Variants in CTNNA2 observed in about 807,000 individuals in gnomAD.
CTNNA2 encodes catenin alpha 2.
In CTNNA2, 42 loss-of-function variants were observed where a neutral mutation model predicts 101.0. The ratio of observed to expected loss-of-function variants is 0.42; its 90% confidence interval spans 0.32 to 0.54. The LOEUF (loss-of-function observed/expected upper bound fraction) is 0.54. CTNNA2 is among the 20% of genes least tolerant of loss of function. The pLI, the probability that CTNNA2 is intolerant of heterozygous loss-of-function variation, is 0.14. For missense variants in CTNNA2, 871 were observed against 1,223.1 expected, an observed-to-expected ratio of 0.71 and a Z score of 4.29; for synonymous variants, 450 against 456.4, an observed-to-expected ratio of 0.99 and a Z score of 0.18.
intron 4 of CTNNA2, among the ~76,000 whole-genome samples, chr2:79,487,117 T>C (rs1671165791): frequency 6.6e-6 from 1 of 152,236 alleles, no homozygotes. Flanking sequence ...AAAGATGCAT[T>C]AACATGTAAC....
At chr2:80,263,891 T>C (rs978216957) in intron 7 of CTNNA2, among the ~76,000 whole-genome samples, 2 of 152,244 alleles carry the variant, frequency 1.3e-5, no homozygotes, top group Non-Finnish European at 2.9e-5. Context: ...ATTGTAACTT[T>C]ATGTGGAGAC....
chr2:80,436,139 G>A (rs1186722129), intron 9 of CTNNA2, among the ~76,000 whole-genome samples: 5 of 152,258 alleles, frequency 3.3e-5, no homozygotes, highest in South Asian at 2.1e-4. Flanking sequence ...CACGGTCATC[G>A]ACATTAGTGG....
chr2:80,322,635 C>G (rs1308757075), intron 7 of CTNNA2, among the ~76,000 whole-genome samples: 1 of 151,870 alleles, frequency 6.6e-6, no homozygotes, highest in Non-Finnish European at 1.5e-5. Flanking sequence ...CGGCCGCAGC[C>G]CAGCCGCCGC....
In CTNNA2 at chr2:80,083,048, A is replaced by G. The variant is rs563629930; in HGVS notation, c.1056+173251A>G. Among the ~76,000 whole-genome samples the G allele has an allele frequency of 2.0e-5, 3 of 152,212 alleles. No homozygotes were observed. The South Asian group carries it at 6.2e-4, about 32-fold the overall frequency. ...TTTTGATTTTTCCATCACTGAAAAA[A>G]TATAAGGTTTTCAGTTACCTCCCTC... is the stretch of plus-strand genomic sequence containing the variant. On this transcript the variant is annotated intron_variant, in intron 7 of 18. Transcript: ENST00000402739.
intron 17 of CTNNA2, among the ~76,000 whole-genome samples, chr2:80,612,442 A>G (rs532750146): frequency 3.0e-4 from 46 of 151,752 alleles, no homozygotes; most frequent in South Asian, 8.3e-4. Flanking sequence ...ACAAACACAG[A>G]GCACAATTGA....
At chr2:80,092,075 TG>T (rs1203435955) in intron 7 of CTNNA2, among the ~76,000 whole-genome samples, 1 of 152,096 alleles carries the variant, frequency 6.6e-6, no homozygotes, top group African/African-American at 2.4e-5. Context: ...TATTAATAGA[TG>T]TGTGTGTAAA....
chr2:80,296,575 A>C (rs6743980), intron 7 of CTNNA2, among the ~76,000 whole-genome samples: 60,169 of 152,020 alleles, frequency 0.4, 12,044 homozygotes, highest in East Asian at 0.47. Context: ...GGCAAGAGAA[A>C]GACTTAAAAG....
At chr2:80,339,897 G>A (rs934839377) in intron 7 of CTNNA2, among the ~76,000 whole-genome samples, 2 of 152,128 alleles carry the variant, frequency 1.3e-5, no homozygotes, top group Non-Finnish European at 2.9e-5. Flanking sequence ...AACTCCTTTT[G>A]TGTGTCTTTG....
chr2:79,556,051 T>TA (rs1258015070), intron 1 of CTNNA2, among the ~76,000 whole-genome samples: 1 of 152,122 alleles, frequency 6.6e-6, no homozygotes, highest in Non-Finnish European at 1.5e-5. Context: ...TCCTTGTTTT[T>TA]ATTTTAATTT....
At position 79,323,085 on chromosome 2, in the gene CTNNA2, C is replaced by T. The variant is rs367925149; in HGVS notation, c.-318+10289C>T. 3.0e-3 allele frequency among the ~76,000 whole-genome samples: 453 copies of T among 152,286 alleles called. 24 individuals are homozygous for T. In the South Asian group the frequency reaches 0.091, roughly 31 times the overall value. On this transcript the variant is annotated intron_variant, in intron 3 of 21. Coordinates refer to the CTNNA2 transcript ENST00000466387. Reference sequence around the variant, plus strand: ...CAGGATTTGGTGCTGTCCTGTCCCACCCTCAAATTTCAAATCCCCAGTATG... The same window carrying T: ...CAGGATTTGGTGCTGTCCTGTCCCATCCTCAAATTTCAAATCCCCAGTATG...
intron 7 of CTNNA2, among the ~76,000 whole-genome samples, chr2:80,376,390 T>A (rs1433238141): frequency 2.0e-5 from 3 of 151,670 alleles, no homozygotes; most frequent in Admixed American, 6.6e-5. Context: ...TGCCAGCTAC[T>A]GGACTTAGTA....
intron 4 of CTNNA2, among the ~76,000 whole-genome samples, chr2:79,486,789 T>A (rs1671162873): frequency 6.6e-6 from 1 of 152,230 alleles, no homozygotes; most frequent in Non-Finnish European, 1.5e-5. Context: ...AGATGGTATC[T>A]CATTGTGGTT....
intron 7 of CTNNA2, among the ~76,000 whole-genome samples, chr2:80,151,507 G>C (rs1410194974): frequency 6.6e-6 from 1 of 152,102 alleles, no homozygotes; most frequent in Non-Finnish European, 1.5e-5. Flanking sequence ...AGCACTTTCA[G>C]GACTCTAATG....
At chr2:80,403,835 T>C (rs1434633253) in intron 8 of CTNNA2, among the ~76,000 whole-genome samples, 2 of 152,236 alleles carry the variant, frequency 1.3e-5, no homozygotes, top group African/African-American at 4.8e-5. Flanking sequence ...TTGAATTTTG[T>C]CGAAGATATT....
intron 1 of CTNNA2, among the ~76,000 whole-genome samples, chr2:79,548,422 T>C (rs1042416666): frequency 2.6e-5 from 4 of 152,236 alleles, no homozygotes; most frequent in African/African-American, 7.2e-5. Flanking sequence ...CCTTTCCATT[T>C]CTTCCATTTT....
In CTNNA2 at chr2:79,243,005, C is replaced by CACAT. The variant is rs376774949; in HGVS notation, c.-406+44932_-406+44933insTACA. Among the ~76,000 whole-genome samples, 179 of 140,184 alleles carry CACAT rather than the reference C, an allele frequency of 1.3e-3. 1 individual carries two copies. The highest frequency in any genetic ancestry group is 0.01 in the South Asian group (46 of 4,476). The allele number at this position is 140,184 out of a possible 152,430, so 92.0% of individuals were successfully genotyped here. A position where few individuals can be genotyped will look rare whatever the true frequency, so the allele number is the denominator to read the frequency against. The stretch of plus-strand genomic sequence containing the variant: ...ATATATATATATATACACACACACA[C>CACAT]ACACACACACACACACACACACACG... On this transcript the variant is annotated intron_variant, in intron 2 of 21. Transcript: ENST00000466387.
rs569095889 is a variant in CTNNA2, at chr2:79,867,121, A to G, written c.466-2695A>G. 1.6e-4 allele frequency among the ~76,000 whole-genome samples: 24 copies of G among 152,248 alleles called. No homozygotes were observed. The East Asian group carries it at 3.7e-3, about 23-fold the overall frequency. On this transcript the variant is annotated intron_variant, in intron 4 of 18. Coordinates refer to ENST00000402739, the MANE Select transcript of CTNNA2 (RefSeq NM_001282597.3). Reference sequence around the variant, plus strand: ...TCAACTCGCAGTCCTGAACTCCTCCATGAACAGTAAATGTTTGAGAGCAAG... The same window carrying G: ...TCAACTCGCAGTCCTGAACTCCTCCGTGAACAGTAAATGTTTGAGAGCAAG...
chr2:79,355,372 T>C (rs550512916), intron 3 of CTNNA2, among the ~76,000 whole-genome samples: 1 of 152,344 alleles, frequency 6.6e-6, no homozygotes, highest in African/African-American at 2.4e-5. Flanking sequence ...AGGGTGTTTT[T>C]CCATTTGTTT....
At chr2:79,501,700 A>G (rs1671321515) in intron 4 of CTNNA2, among the ~76,000 whole-genome samples, 1 of 152,228 alleles carries the variant, frequency 6.6e-6, no homozygotes, top group Admixed American at 6.5e-5. Flanking sequence ...AGGGAAGATC[A>G]CAAATCCCAT....
Sources: gnomAD v4.1 joint callset for allele counts (sites outside exome capture counted in the v4.1 genomes callset) on GRCh38, gnomAD v4.1.1 for gene constraint, MANE v1.5 for transcripts, NCBI Gene and HGNC (gene_info 2026-07-23, HGNC 2026-07-21) for gene names.